The following PMPCB variants were observed in gnomAD, a reference collection of about 807,000 sequenced individuals.
The protein encoded by PMPCB is peptidase, mitochondrial processing subunit beta, also known as mitochondrial-processing peptidase subunit beta.
Under a neutral mutation model 61.5 loss-of-function variants are expected in PMPCB, and 46 were observed. The ratio of observed to expected loss-of-function variants is 0.75; its 90% CI spans 0.59 to 0.96. The LOEUF (loss-of-function observed/expected upper bound fraction) is 0.96, where lower values mean the gene tolerates loss of function less well. PMPCB is among the 40% of genes least tolerant of loss of function. The probability of loss-of-function intolerance (pLI) is 0.00; values close to 1 mark genes in which losing one functional copy is unlikely to be tolerated. For synonymous variants in PMPCB, 191 were observed against 201.6 expected (o/e 0.95, Z 0.44); for missense variants, 590 against 602.4 (o/e 0.98, Z 0.22).
At chr7:103,326,718 A>G in intron 12 of PMPCB, 1 of 1,562,424 alleles carries the variant, frequency 6.4e-7, no homozygotes, top group Non-Finnish European at 8.6e-7. Context: ...ACATCACCAT[A>G]ACTTTACCTA....
the PMPCB span, chr7:103,344,592 G>A: frequency 6.2e-7 from 1 of 1,612,916 alleles, no homozygotes; most frequent in Non-Finnish European, 8.5e-7. Context: ...GCGGTGCCCC[G>A]GCCGTCCGCG....
At chr7:103,310,238 T>C (rs936868892) in intron 8 of PMPCB, 77 bp from the exon 9 acceptor site, 14 of 1,092,550 alleles carry the variant, frequency 1.3e-5, no homozygotes, top group Admixed American at 8.4e-5. Context: ...TTCACTATTT[T>C]CCACACACTC....
intron 12 of PMPCB, among the ~76,000 whole-genome samples, chr7:103,325,555 C>A (rs1372636800): frequency 5.9e-5 from 9 of 151,870 alleles, no homozygotes; most frequent in Admixed American, 4.6e-4. Flanking sequence ...TTTGGCTGCA[C>A]AGAAGAATCA....
chr7:103,331,456 T>C (rs1337030922), downstream of PMPCB, among the ~76,000 whole-genome samples: 1 of 152,212 alleles, frequency 6.6e-6, no homozygotes, highest in Non-Finnish European at 1.5e-5. Context: ...CTGGGACTTA[T>C]TCCTTCTAAT....
At chr7:103,323,570 T>G (rs1039882569) in intron 12 of PMPCB, 1 of 1,434,622 alleles carries the variant, frequency 7.0e-7, no homozygotes, top group Admixed American at 2.7e-5. Flanking sequence ...AATAAATACC[T>G]TCCATTATTA....
chr7:103,347,041 AATT>A, the PMPCB span, among the ~76,000 whole-genome samples: 1 of 152,156 alleles, frequency 6.6e-6, no homozygotes. Context: ...GTGGCATGGT[AATT>A]ATTTTTAATT....
rs2115754535 is a variant in PMPCB, at chr7:103,314,145, G to A, written c.*1874G>A. The A allele has an allele frequency of 1.0e-6, 1 of 985,390 alleles. No individual in the cohort carries two copies. 61.0% of individuals were successfully genotyped at this position (985,390 alleles called of 1,614,324 possible). A position where few individuals can be genotyped will look rare whatever the true frequency, so the allele number is the denominator to read the frequency against. On this transcript the variant is annotated 3_prime_UTR_variant, in exon 13 of 13. Transcript: ENST00000249269. ...TTTTGAAGGTAGCTTTTAAGTTCTA[G>A]GAAGTCTTTTGTTGAATTTCCTTGT...
chr7:103,327,488 T>C (rs1818767589), intron 12 of PMPCB: 2 of 680,776 alleles, frequency 2.9e-6, no homozygotes, highest in Admixed American at 5.3e-5. Context: ...CCTCACTTTG[T>C]GTCGTGAGGC....
chr7:103,310,542 A>G (rs1248792614), intron 9 of PMPCB, 67 bp downstream of exon 9: 1 of 1,250,450 alleles, frequency 8.0e-7, no homozygotes, highest in African/African-American at 1.5e-5. Flanking sequence ...TTTTTTATTT[A>G]TACTTTATGG....
In PMPCB at chr7:103,313,532, A is replaced by C; in HGVS notation, c.*1261A>C. On this transcript the variant is annotated 3_prime_UTR_variant, in exon 13 of 13. Transcript: ENST00000249269. ...TTCCTCACAGTTAAACTTTTGCTGG[A>C]TAGAAACCCTGGAAATCATTCTTGT... 1.0e-6 allele frequency: 1 copy of C among 984,066 alleles called. No homozygotes were observed. Among genetic ancestry groups the C allele is most frequent in the Non-Finnish European group, 1.2e-6 (1 of 828,716 alleles). The allele number at this position is 984,066 out of a possible 1,614,324, so 61.0% of individuals were successfully genotyped here. A position where few individuals can be genotyped will look rare whatever the true frequency, so the allele number is the denominator to read the frequency against.
intron 12 of PMPCB, among the ~76,000 whole-genome samples, chr7:103,325,258 A>G (rs778696274): frequency 6.6e-6 from 1 of 152,176 alleles, no homozygotes; most frequent in Non-Finnish European, 1.5e-5. Flanking sequence ...AGTCTGGCCA[A>G]TATGGTGAAA....
In PMPCB at chr7:103,307,692, A is replaced by C. The variant is rs1409851271; in HGVS notation, c.833A>C (p.Lys278Thr). ...KGEIPALPPCKFTGSEIRVRD... is the reference protein window; with the variant it reads ...KGEIPALPPCTFTGSEIRVRD... ...GAAATACCAGCTCTGCCTCCCTGCA[A>C]ATTCACAGGAAGTGAGGTAGGGCAA... The change falls in exon 7 of 13, where the codon AAA becomes ACA. Residue 278 changes from lysine (K) to threonine (T), a missense_variant. Coordinates refer to ENST00000249269, the MANE Select transcript of PMPCB (RefSeq NM_004279.3). 2 of 1,604,376 alleles carry C rather than the reference A, an allele frequency of 1.2e-6. No individual in the cohort carries two copies. The highest frequency in any genetic ancestry group is 1.1e-5 in the South Asian group (1 of 90,842).
At chr7:103,328,490 G>T (rs1327912480) in intron 12 of PMPCB, among the ~76,000 whole-genome samples, 2 of 151,930 alleles carry the variant, frequency 1.3e-5, no homozygotes, top group Non-Finnish European at 2.9e-5. Flanking sequence ...AACTAGCTGG[G>T]CGTGGTGGTG....
chr7:103,297,800 C>T (rs899171839), intron 1 of PMPCB: 7 of 1,528,016 alleles, frequency 4.6e-6, no homozygotes, highest in Non-Finnish European at 6.1e-6. Context: ...CTCCCGCCAG[C>T]TACTGAGGAG....
At chr7:103,321,949 G>A in intron 12 of PMPCB, 1 of 1,613,416 alleles carries the variant, frequency 6.2e-7, no homozygotes, top group Non-Finnish European at 8.5e-7. Context: ...GAGTTTCGAA[G>A]TTTTTGCCTT....
chr7:103,306,987 G>T (rs759340541), intron 6 of PMPCB, among the ~76,000 whole-genome samples: 3 of 152,018 alleles, frequency 2.0e-5, no homozygotes, highest in Non-Finnish European at 4.4e-5. Flanking sequence ...TTGAACTCCT[G>T]ATCTCAAGTG....
intron 7 of PMPCB, 117 bp downstream of exon 7, chr7:103,307,825 G>A: frequency 1.5e-6 from 1 of 647,674 alleles, no homozygotes; most frequent in South Asian, 1.8e-5. Context: ...ATAGGAAAAG[G>A]GAAGAGGATG....
rs1315044996 is a variant in PMPCB at position 103,311,872 on chromosome 7, C to A, written c.1305C>A (p.Ile435=). 6.2e-7 allele frequency: 1 copy of A among 1,611,834 alleles called. No homozygotes were observed. The highest frequency in any genetic ancestry group is 1.7e-5 in the Admixed American group (1 of 59,916). Residue 435 remains isoleucine (I), a synonymous_variant, in exon 11 of 13, where the codon ATC becomes ATA. Transcript: ENST00000249269. ...QMLCYNRRIP[I]PELEARIDAV... is the part of the protein sequence containing the mutation. Reference sequence around the variant, plus strand: ...TATGCTATAATAGAAGGATTCCCATCCCTGAGCTTGAAGCAAGAATTGATG... The same window carrying A: ...TATGCTATAATAGAAGGATTCCCATACCTGAGCTTGAAGCAAGAATTGATG...
chr7:103,323,583 G>C, intron 12 of PMPCB: 2 of 1,447,632 alleles, frequency 1.4e-6, no homozygotes, highest in African/African-American at 2.9e-5. Flanking sequence ...CATTATTAAT[G>C]ATTTGCATAC....
Sources: allele counts gnomAD v4.1 joint callset (sites outside exome capture counted in the v4.1 genomes callset), GRCh38; gene constraint gnomAD v4.1.1; transcripts MANE v1.5; gene names NCBI Gene and HGNC (gene_info 2026-07-23, HGNC 2026-07-21).